RBFOX1: variants seen among roughly 807,000 people sequenced by gnomAD.
RBFOX1 encodes RNA binding fox-1 homolog 1, also known as RNA binding protein fox-1 homolog 1.
Under a neutral mutation model 57.7 loss-of-function variants are expected in RBFOX1, and 8 were observed. The observed-to-expected ratio is 0.14, with a 90% CI of 0.08 to 0.25. The LOEUF is 0.25. RBFOX1 is among the 10% of genes least tolerant of loss of function. RBFOX1 has a pLI of 1.00. For missense variants in RBFOX1, 611 were observed against 548.5 expected, an observed-to-expected ratio of 1.11 and a Z score of -1.14; for synonymous variants, 326 against 222.4, an observed-to-expected ratio of 1.47 and a Z score of -4.15.
intron 3 of RBFOX1, among the ~76,000 whole-genome samples, chr16:5,642,037 A>C (rs2048894420): frequency 6.6e-6 from 1 of 152,166 alleles, no homozygotes; most frequent in South Asian, 2.1e-4. Flanking sequence ...TCTGGACCAC[A>C]CTTTGAGGAG....
intron 2 of RBFOX1, among the ~76,000 whole-genome samples, chr16:6,651,422 A>G (rs12924317): frequency 6.6e-6 from 1 of 151,840 alleles, no homozygotes; most frequent in Admixed American, 6.6e-5. Flanking sequence ...ATCCACCATC[A>G]TGTCACACCT....
rs186909458 is a variant in RBFOX1 at position 5,338,156 on chromosome 16, T to C, written c.219+98051T>C. ...GTACTGTGGTTGTTACTGAGCCTTA[T>C]TGAGGCACCTGCTAGGCTGCAAGTT... is the stretch of plus-strand genomic sequence containing the variant. On this transcript the variant is annotated intron_variant, in intron 1 of 2. Transcript: ENST00000585867. Among the ~76,000 whole-genome samples, 1,173 of 152,114 alleles carry C rather than the reference T, an allele frequency of 7.7e-3. 14 individuals are homozygous for C. The highest frequency in any genetic ancestry group is 0.012 in the South Asian group (60 of 4,808).
At chr16:6,874,584 T>A (rs2061507042) in intron 3 of RBFOX1, among the ~76,000 whole-genome samples, 1 of 151,042 alleles carries the variant, frequency 6.6e-6, no homozygotes, top group Non-Finnish European at 1.5e-5. Flanking sequence ...GAGAGGCCGT[T>A]ATTGTAAGTG....
At chr16:6,980,752 T>C (rs2088552737) in intron 3 of RBFOX1, among the ~76,000 whole-genome samples, 1 of 152,072 alleles carries the variant, frequency 6.6e-6, no homozygotes, top group African/African-American at 2.4e-5. Context: ...AAGAAAATGT[T>C]CAGGAATGGA....
At chr16:7,586,445 A>T (rs914392374) in intron 6 of RBFOX1, among the ~76,000 whole-genome samples, 1 of 152,220 alleles carries the variant, frequency 6.6e-6, no homozygotes, top group Non-Finnish European at 1.5e-5. Context: ...AAATTTAAAA[A>T]ATATGTAAGA....
intron 4 of RBFOX1, among the ~76,000 whole-genome samples, chr16:7,400,816 T>C (rs1192223697): frequency 6.6e-6 from 1 of 152,210 alleles, no homozygotes; most frequent in Non-Finnish European, 1.5e-5. Flanking sequence ...GGAGTCAGTG[T>C]CCACAATGCT....
rs148727768 is a variant in RBFOX1, at chr16:5,803,777, C to T, written c.319-63526C>T. On this transcript the variant is annotated intron_variant, in intron 3 of 19. Transcript: ENST00000641259. ...TTGATCCCCTTTCTATTATCTCATG[C>T]TCTACTATGATTATGTTGCTTCAGT... 6.5e-4 allele frequency among the ~76,000 whole-genome samples: 99 copies of T among 152,252 alleles called. 2 individuals are homozygous for T. In the East Asian group the frequency reaches 0.012, roughly 18 times the overall value.
intron 4 of RBFOX1, among the ~76,000 whole-genome samples, chr16:7,435,690 C>T (rs1210064407): frequency 6.6e-6 from 1 of 152,190 alleles, no homozygotes; most frequent in Non-Finnish European, 1.5e-5. Flanking sequence ...GCCCCCGAAG[C>T]TATTTAGCTG....
chr16:7,124,024 C>T (rs985552747), intron 4 of RBFOX1, among the ~76,000 whole-genome samples: 1 of 152,138 alleles, frequency 6.6e-6, no homozygotes, highest in African/African-American at 2.4e-5. Flanking sequence ...AATGGAATTA[C>T]TAGGTCAAAG....
chr16:6,785,310 T>G (rs2081756982), intron 3 of RBFOX1, among the ~76,000 whole-genome samples: 1 of 152,166 alleles, frequency 6.6e-6, no homozygotes, highest in African/African-American at 2.4e-5. Context: ...ATAAGCCATC[T>G]CATTTATCCA....
intron 3 of RBFOX1, among the ~76,000 whole-genome samples, chr16:6,674,432 C>T (rs1385749505): frequency 1.3e-5 from 2 of 152,008 alleles, no homozygotes; most frequent in Non-Finnish European, 2.9e-5. Context: ...ATTGATTCTC[C>T]TGCCCCAGTC....
intron 2 of RBFOX1, among the ~76,000 whole-genome samples, chr16:6,419,630 G>T (rs2152986682): frequency 6.6e-6 from 1 of 152,274 alleles, no homozygotes; most frequent in African/African-American, 2.4e-5. Flanking sequence ...ATGCTTCCCT[G>T]CGTGGTGTGG....
At chr16:5,882,212 C>CCGTTCCTCGTAG (rs545268116) in intron 4 of RBFOX1, among the ~76,000 whole-genome samples, 278 of 152,258 alleles carry the variant, frequency 1.8e-3, no homozygotes, top group African/African-American at 6.4e-3. Context: ...ACTTTGTTTA[C>CCGTTCCTCGTAG]CGTTCCTCGT....
chr16:6,662,165 G>A (rs2098705749), intron 3 of RBFOX1, among the ~76,000 whole-genome samples: 1 of 151,896 alleles, frequency 6.6e-6, no homozygotes, highest in Non-Finnish European at 1.5e-5. Flanking sequence ...CTTGGTCAAA[G>A]GATACAAACC....
At chr16:6,925,202 C>T (rs1481420321) in intron 3 of RBFOX1, among the ~76,000 whole-genome samples, 1 of 126,258 alleles carries the variant, frequency 7.9e-6, no homozygotes, top group Non-Finnish European at 1.6e-5. Context: ...GGTATGATCT[C>T]AGCTCACTGA....
chr16:6,823,515 CCAAA>C (rs142384438), intron 3 of RBFOX1, among the ~76,000 whole-genome samples: 3,534 of 152,170 alleles, frequency 0.023, 149 homozygotes, highest in African/African-American at 0.082. Context: ...CCTCAGTCTC[CCAAA>C]GTGCTGGTAT....
At chr16:6,023,991 C>T (rs953617029) in intron 1 of RBFOX1, among the ~76,000 whole-genome samples, 3 of 152,194 alleles carry the variant, frequency 2.0e-5, no homozygotes, top group African/African-American at 7.2e-5. Context: ...CACAGTTAGA[C>T]TCGGTCGTAG....
At chr16:7,516,936 T>G (rs1417403768) in intron 4 of RBFOX1, among the ~76,000 whole-genome samples, 1 of 152,062 alleles carries the variant, frequency 6.6e-6, no homozygotes, top group East Asian at 1.9e-4. Context: ...ACTGAAGAGA[T>G]AAGGAGAAAT....
intron 3 of RBFOX1, among the ~76,000 whole-genome samples, chr16:7,025,125 C>G (rs955552482): frequency 6.6e-6 from 1 of 152,134 alleles, no homozygotes; most frequent in Admixed American, 6.5e-5. Context: ...AAAAGAATGT[C>G]CACTCCATAG....
Sources: allele counts gnomAD v4.1 joint callset (sites outside exome capture counted in the v4.1 genomes callset), GRCh38; gene constraint gnomAD v4.1.1; transcripts MANE v1.5; gene names NCBI Gene and HGNC (gene_info 2026-07-23, HGNC 2026-07-21).